RFPL1: variants seen among roughly 807,000 people sequenced by gnomAD.
RFPL1 encodes ret finger protein-like 1.
A neutral mutation model predicts 9.6 loss-of-function variants in RFPL1; 6 were observed. The observed-to-expected ratio is 0.62, with a 90% confidence interval of 0.34 to 1.23. The LOEUF is 1.23. Ranked by LOEUF, RFPL1 falls within the 50% of genes most tolerant of loss-of-function variation. RFPL1 has a pLI of 0.03. For synonymous variants in RFPL1, 145 were observed against 149.4 expected (o/e 0.97, Z 0.22); for missense variants, 352 against 398.4 (o/e 0.88, Z 0.99).
exon 1 of RFPL1, chr22:29,438,769 G>T (rs1358933034): frequency 6.2e-7 from 1 of 1,605,094 alleles, no homozygotes; most frequent in East Asian, 2.2e-5. Context: ...AAGTGACAAA[G>T]CTGGGACACA....
the RFPL1 span, among the ~76,000 whole-genome samples, chr22:29,420,508 T>G: frequency 6.6e-6 from 1 of 152,018 alleles, no homozygotes; most frequent in South Asian, 2.1e-4. Flanking sequence ...TTTTTGTATT[T>G]TTAGTAGAGA....
the RFPL1 span, among the ~76,000 whole-genome samples, chr22:29,419,816 A>G: frequency 6.6e-6 from 1 of 151,406 alleles, no homozygotes; most frequent in East Asian, 1.9e-4. Context: ...AAAAAAAAAA[A>G]GAAAAGAAAA....
At chr22:29,406,375 T>C in the RFPL1 span, among the ~76,000 whole-genome samples, 1 of 152,116 alleles carries the variant, frequency 6.6e-6, no homozygotes. Flanking sequence ...ATCTCATCCT[T>C]TTTAGCCCTA....
the RFPL1 span, among the ~76,000 whole-genome samples, chr22:29,417,917 G>A: frequency 7.3e-5 from 11 of 151,540 alleles, no homozygotes; most frequent in African/African-American, 9.7e-5. Flanking sequence ...GCAGGAATGC[G>A]GGGAAGGCAG....
the RFPL1 span, among the ~76,000 whole-genome samples, chr22:29,432,445 T>G: frequency 6.6e-6 from 1 of 152,222 alleles, no homozygotes; most frequent in Admixed American, 6.5e-5. Flanking sequence ...GTAAGATTGC[T>G]TCAGCTCAAT....
At chr22:29,437,738 C>A, upstream of RFPL1, 2 of 1,582,774 alleles carry the variant, frequency 1.3e-6, no homozygotes, top group Non-Finnish European at 1.7e-6. Context: ...GAGGTGAGCC[C>A]ATGCCTGTGT....
chr22:29,391,292 C>T, the RFPL1 span, among the ~76,000 whole-genome samples: 1 of 152,072 alleles, frequency 6.6e-6, no homozygotes, highest in African/African-American at 2.4e-5. Flanking sequence ...AGGCCTCTCT[C>T]CTTGGCTTGT....
chr22:29,427,186 G>T, the RFPL1 span, among the ~76,000 whole-genome samples: 41 of 152,372 alleles, frequency 2.7e-4, no homozygotes, highest in South Asian at 1.2e-3. Flanking sequence ...AACACTGAGG[G>T]GGGGCCTGAC....
the RFPL1 span, among the ~76,000 whole-genome samples, chr22:29,410,214 TCTATATATATATATAGATATA>T: frequency 7.2e-6 from 1 of 139,790 alleles, no homozygotes; most frequent in African/African-American, 2.7e-5. Context: ...TGTAAGTATA[TCTATATATATATATAGATATA>T]TATATAGTAG....
At chr22:29,424,979 C>T in the RFPL1 span, among the ~76,000 whole-genome samples, 1 of 151,682 alleles carries the variant, frequency 6.6e-6, no homozygotes, top group South Asian at 2.1e-4. Flanking sequence ...CCCAGGCGGG[C>T]GGATCACGAG....
chr22:29,441,388 A>T (rs1255981259), intron 1 of RFPL1, 154 bp from the exon 2 acceptor site: 3 of 803,858 alleles, frequency 3.7e-6, no homozygotes, highest in African/African-American at 3.4e-5. Context: ...AATTTGAACT[A>T]GTCAGGGAAG....
At chr22:29,423,125 C>G in the RFPL1 span, 1 of 1,492,902 alleles carries the variant, frequency 6.7e-7, no homozygotes, top group Non-Finnish European at 9.3e-7. Context: ...CAAGTAATAC[C>G]TTTCTTGGTC....
chr22:29,396,976 G>C, the RFPL1 span, among the ~76,000 whole-genome samples: 2 of 140,416 alleles, frequency 1.4e-5, no homozygotes, highest in Non-Finnish European at 3.0e-5. Flanking sequence ...GCTTGATCTC[G>C]GCTCACTGCA....
the RFPL1 span, among the ~76,000 whole-genome samples, chr22:29,417,302 T>TGACTTGGAAGGAGGCCC: frequency 4.1e-4 from 62 of 152,126 alleles, no homozygotes; most frequent in African/African-American, 1.4e-3. Flanking sequence ...GGAAGGAATC[T>TGACTTGGAAGGAGGCCC]GACTTGGAAG....
At chr22:29,410,833 A>G in the RFPL1 span, among the ~76,000 whole-genome samples, 1 of 151,556 alleles carries the variant, frequency 6.6e-6, no homozygotes, top group African/African-American at 2.4e-5. Context: ...CATTTTATGA[A>G]TGCATATTTC....
At chr22:29,396,509 G>C in the RFPL1 span, among the ~76,000 whole-genome samples, 2 of 152,226 alleles carry the variant, frequency 1.3e-5, no homozygotes, top group East Asian at 3.8e-4. Flanking sequence ...AGCAGCACAA[G>C]ACAGACTAAC....
chr22:29,396,526 T>G, the RFPL1 span, among the ~76,000 whole-genome samples: 2 of 152,224 alleles, frequency 1.3e-5, no homozygotes, highest in African/African-American at 2.4e-5. Context: ...TAACATAGGT[T>G]GGTTGTGCCT....
the RFPL1 span, among the ~76,000 whole-genome samples, chr22:29,423,996 C>A: frequency 3.3e-5 from 5 of 152,064 alleles, no homozygotes; most frequent in Admixed American, 3.3e-4. Context: ...AGATCGAGAC[C>A]AGATGAAACC....
chr22:29,429,362 G>T, the RFPL1 span, among the ~76,000 whole-genome samples: 7 of 152,112 alleles, frequency 4.6e-5, no homozygotes, highest in Non-Finnish European at 7.3e-5. Context: ...CCAAGAAGTT[G>T]ATTTTTTGAA....
Sources: gnomAD v4.1 joint callset for allele counts (sites outside exome capture counted in the v4.1 genomes callset) on GRCh38, gnomAD v4.1.1 for gene constraint, MANE v1.5 for transcripts, NCBI Gene and HGNC (gene_info 2026-07-23, HGNC 2026-07-21) for gene names.